FOXP1: variants seen among roughly 807,000 people sequenced by gnomAD.
FOXP1 encodes the protein forkhead box protein P1.
A neutral mutation model predicts 98.2 loss-of-function variants in FOXP1; 15 were observed. That is an observed-to-expected ratio of 0.15 (90% CI 0.10 to 0.24). The LOEUF (loss-of-function observed/expected upper bound fraction) is 0.24. FOXP1 is among the 10% of genes least tolerant of loss of function. The pLI is 1.00. For synonymous variants in FOXP1, 371 were observed against 314.5 expected (o/e 1.18, Z -1.90); for missense variants, 633 against 848.5 (o/e 0.75, Z 3.15).
At chr3:71,323,231 C>T (rs2075498887) in intron 4 of FOXP1, among the ~76,000 whole-genome samples, 3 of 152,206 alleles carry the variant, frequency 2.0e-5, no homozygotes, top group Admixed American at 1.3e-4. Flanking sequence ...GGCCTTGGTA[C>T]ATTTTAAACT....
At chr3:71,526,099 T>A (rs902010809) in intron 2 of FOXP1, among the ~76,000 whole-genome samples, 3 of 151,600 alleles carry the variant, frequency 2.0e-5, no homozygotes, top group African/African-American at 7.3e-5. Flanking sequence ...CCAGACTGGA[T>A]GACAGAGGGA....
At chr3:71,206,304 T>C (rs1055808990) in intron 5 of FOXP1, among the ~76,000 whole-genome samples, 6 of 152,160 alleles carry the variant, frequency 3.9e-5, no homozygotes, top group Admixed American at 3.9e-4. Context: ...GTTCTGAAAC[T>C]CCAAAAGTAA....
intron 4 of FOXP1, among the ~76,000 whole-genome samples, chr3:71,344,096 T>C (rs1440649251): frequency 6.6e-6 from 1 of 152,174 alleles, no homozygotes; most frequent in African/African-American, 2.4e-5. Context: ...CCTCAACCAG[T>C]TGTGTGAGTA....
intron 13 of FOXP1, among the ~76,000 whole-genome samples, chr3:70,999,583 C>G (rs2107601180): frequency 6.6e-6 from 1 of 152,074 alleles, no homozygotes; most frequent in South Asian, 2.1e-4. Flanking sequence ...AAGTTTATAT[C>G]CAGAGTTTGA....
At chr3:71,490,714 C>T (rs2091003749) in intron 3 of FOXP1, among the ~76,000 whole-genome samples, 1 of 152,130 alleles carries the variant, frequency 6.6e-6, no homozygotes. Context: ...TATAGTTCTT[C>T]AGATGGATTT....
At chr3:71,115,317 T>TTATTTTATTTATTTATTTA (rs1553745321) in intron 6 of FOXP1, among the ~76,000 whole-genome samples, 19 of 144,140 alleles carry the variant, frequency 1.3e-4, no homozygotes, top group East Asian at 4.1e-4. Flanking sequence ...ATTATTATTA[T>TTATTTTATTTATTTATTTA]TTTATTTATT....
At chr3:71,482,971 G>A (rs1410926443) in intron 3 of FOXP1, among the ~76,000 whole-genome samples, 2 of 151,710 alleles carry the variant, frequency 1.3e-5, no homozygotes, top group African/African-American at 4.8e-5. Flanking sequence ...ATGTAGCTGG[G>A]ACTACAGGTG....
At chr3:70,999,156 C>T (rs1221718765) in intron 13 of FOXP1, among the ~76,000 whole-genome samples, 4 of 152,140 alleles carry the variant, frequency 2.6e-5, no homozygotes, top group African/African-American at 9.7e-5. Context: ...GTGGCGCGAC[C>T]TTGGCTCACT....
intron 11 of FOXP1, among the ~76,000 whole-genome samples, chr3:71,031,078 C>A (rs2046806171): frequency 1.3e-5 from 2 of 152,168 alleles, no homozygotes; most frequent in South Asian, 4.1e-4. Context: ...AAAATGACTC[C>A]TTTGAAAGCA....
At chr3:71,443,182 C>A (rs973752385) in intron 3 of FOXP1, among the ~76,000 whole-genome samples, 1 of 152,224 alleles carries the variant, frequency 6.6e-6, no homozygotes, top group Admixed American at 6.5e-5. Flanking sequence ...GCGTGAGCCA[C>A]CACGCCCGGC....
chr3:71,032,080 C>G (rs2106681866), intron 11 of FOXP1, among the ~76,000 whole-genome samples: 1 of 152,380 alleles, frequency 6.6e-6, no homozygotes, highest in African/African-American at 2.4e-5. Flanking sequence ...AACTGCACAA[C>G]AGAGGCTGCC....
intron 2 of FOXP1, among the ~76,000 whole-genome samples, chr3:71,506,070 AT>A (rs2041803398): frequency 6.6e-6 from 1 of 152,238 alleles, no homozygotes; most frequent in African/African-American, 2.4e-5. Context: ...TACATGATTA[AT>A]TGCCAGATGA....
intron 2 of FOXP1, among the ~76,000 whole-genome samples, chr3:71,537,348 G>A (rs2044386112): frequency 1.3e-5 from 2 of 152,228 alleles, no homozygotes; most frequent in Non-Finnish European, 2.9e-5. Flanking sequence ...AGGCAAGGTG[G>A]TGGATTTGTT....
chr3:71,428,954 A>G (rs762264999), intron 3 of FOXP1, among the ~76,000 whole-genome samples: 1 of 152,192 alleles, frequency 6.6e-6, no homozygotes, highest in Non-Finnish European at 1.5e-5. Context: ...CTACTGTGCA[A>G]TTACAGAATC....
At chr3:71,024,788 C>T (rs11922148) in intron 11 of FOXP1, among the ~76,000 whole-genome samples, 3,901 of 152,332 alleles carry the variant, frequency 0.026, 159 homozygotes, top group African/African-American at 0.087. Flanking sequence ...ATATTGTGCT[C>T]TGAGATGTGA....
intron 13 of FOXP1, 85 bp from the exon 14 acceptor site, chr3:70,988,162 G>T: frequency 8.7e-7 from 1 of 1,149,818 alleles, no homozygotes; most frequent in South Asian, 1.2e-5. Context: ...TACAAATTAC[G>T]CTATGGCACC....
chr3:70,976,720 C>T (rs1473820454), intron 17 of FOXP1, among the ~76,000 whole-genome samples: 1 of 152,220 alleles, frequency 6.6e-6, no homozygotes, highest in African/African-American at 2.4e-5. Flanking sequence ...TACTGGCTGG[C>T]CCCTCCACAC....
At chr3:71,316,981 G>C (rs946571456) in intron 4 of FOXP1, among the ~76,000 whole-genome samples, 3 of 152,066 alleles carry the variant, frequency 2.0e-5, no homozygotes, top group African/African-American at 7.2e-5. Flanking sequence ...GGCTAAATTT[G>C]CTTCTGAAAA....
At chr3:71,019,329 T>C (rs903372915) in intron 11 of FOXP1, among the ~76,000 whole-genome samples, 1 of 152,212 alleles carries the variant, frequency 6.6e-6, no homozygotes, top group East Asian at 1.9e-4. Flanking sequence ...ATGTGTAAAG[T>C]ATCATTTCTG....
Sources: gnomAD v4.1 joint callset for allele counts (sites outside exome capture counted in the v4.1 genomes callset) on GRCh38, gnomAD v4.1.1 for gene constraint, MANE v1.5 for transcripts, NCBI Gene and HGNC (gene_info 2026-07-23, HGNC 2026-07-21) for gene names.